PDE4D: variants seen among roughly 807,000 people sequenced by gnomAD.
PDE4D encodes phosphodiesterase 4D, also known as 3',5'-cyclic-AMP phosphodiesterase 4D.
A neutral mutation model predicts 87.4 loss-of-function variants in PDE4D; 24 were observed. That is an observed-to-expected ratio of 0.27 (90% CI 0.20 to 0.39). PDE4D has a LOEUF of 0.39. Ranked by LOEUF, PDE4D falls within the 10% of genes least tolerant of loss-of-function variation. PDE4D has a pLI of 1.00. For synonymous variants in PDE4D, 384 were observed against 383.2 expected (o/e 1.00, Z -0.02); for missense variants, 714 against 1,041.0 (o/e 0.69, Z 4.32).
At chr5:59,901,923 AACACACACACACACAC>A (rs59453461) in intron 3 of PDE4D, among the ~76,000 whole-genome samples, 7,963 of 134,302 alleles carry the variant, frequency 0.059, 291 homozygotes, top group South Asian at 0.11. Context: ...CTTACATGCA[AACACACACACACACAC>A]ACACACACAC....
chr5:59,897,589 T>C (rs1751792867), upstream of PDE4D, among the ~76,000 whole-genome samples: 1 of 152,154 alleles, frequency 6.6e-6, no homozygotes, highest in Admixed American at 6.5e-5. Context: ...CTCCTAATGC[T>C]ATCCCTCCTC....
chr5:60,020,226 C>A (rs1283555837), intron 2 of PDE4D, among the ~76,000 whole-genome samples: 1 of 152,034 alleles, frequency 6.6e-6, no homozygotes, highest in South Asian at 2.1e-4. Flanking sequence ...GTTTTTGAAA[C>A]CCTAACACAA....
chr5:60,265,530 C>T (rs373578956), intron 1 of PDE4D, among the ~76,000 whole-genome samples: 1 of 152,236 alleles, frequency 6.6e-6, no homozygotes, highest in East Asian at 1.9e-4. Flanking sequence ...TACCTTTTAC[C>T]TCTCTTGGAA....
chr5:59,956,830 T>C lies in PDE4D; in HGVS notation c.272+31658A>G, dbSNP rs139028618. Among the ~76,000 whole-genome samples, 858 of 152,256 alleles carry C rather than the reference T, an allele frequency of 5.6e-3. 7 individuals are homozygous for C. The highest frequency in any genetic ancestry group is 0.019 in the African/African-American group (778 of 41,550). ...AACAAAAATAAATTAGACTGACTAG[T>C]CCAATTCCATTGCCTAAATTGAAAC... is the stretch of plus-strand genomic sequence containing the variant. On this transcript the variant is annotated intron_variant, in intron 3 of 16. Transcript: ENST00000502484.
intron 1 of PDE4D, among the ~76,000 whole-genome samples, chr5:60,317,109 T>C (rs1478984473): frequency 2.0e-5 from 3 of 152,196 alleles, no homozygotes. Flanking sequence ...TGTGAATCCA[T>C]CTGGTCCTGG....
At chr5:60,408,303 G>T (rs993856458) in intron 1 of PDE4D, among the ~76,000 whole-genome samples, 1 of 152,156 alleles carries the variant, frequency 6.6e-6, no homozygotes, top group African/African-American at 2.4e-5. Context: ...GCAGTCTCTG[G>T]AACTATTTCT....
At chr5:59,349,634 A>T (rs1780185725) in intron 1 of PDE4D, among the ~76,000 whole-genome samples, 2 of 152,182 alleles carry the variant, frequency 1.3e-5, no homozygotes, top group African/African-American at 4.8e-5. Flanking sequence ...CATACCTATT[A>T]CCCATTCAAA....
intron 1 of PDE4D, among the ~76,000 whole-genome samples, chr5:59,831,605 C>T (rs1034257597): frequency 3.3e-5 from 5 of 152,046 alleles, no homozygotes; most frequent in African/African-American, 1.2e-4. Context: ...AGTGAGGTTG[C>T]ATAGCTTGAC....
intron 1 of PDE4D, among the ~76,000 whole-genome samples, chr5:59,650,539 T>C (rs1034896766): frequency 6.6e-6 from 1 of 152,090 alleles, no homozygotes; most frequent in Non-Finnish European, 1.5e-5. Context: ...CTGAAAAAAA[T>C]TCACAGGAAT....
chr5:60,143,667 G>C (rs1780751483), intron 2 of PDE4D, among the ~76,000 whole-genome samples: 1 of 75,980 alleles, frequency 1.3e-5, no homozygotes, highest in African/African-American at 5.3e-5. Flanking sequence ...GTGTGTTTTG[G>C]GGAGGGGGCG....
At chr5:59,158,954 A>G (rs889199148) in intron 5 of PDE4D, among the ~76,000 whole-genome samples, 2 of 152,200 alleles carry the variant, frequency 1.3e-5, no homozygotes, top group African/African-American at 4.8e-5. Flanking sequence ...ACTGGAAGCA[A>G]TCCTAAAGCT....
chr5:59,537,205 A>G (rs946823055), intron 1 of PDE4D, among the ~76,000 whole-genome samples: 2 of 152,246 alleles, frequency 1.3e-5, no homozygotes, highest in African/African-American at 4.8e-5. Flanking sequence ...TGAGATTTCC[A>G]TAAAACAAGC....
At chr5:59,693,138 TA>T (rs1214548491) in intron 1 of PDE4D, among the ~76,000 whole-genome samples, 1 of 102,050 alleles carries the variant, frequency 9.8e-6, no homozygotes, top group Non-Finnish European at 2.5e-5. Context: ...CCTGAAATTG[TA>T]TATGTTTTCA....
At chr5:60,116,447 C>G (rs1463552791) in intron 2 of PDE4D, among the ~76,000 whole-genome samples, 8 of 152,046 alleles carry the variant, frequency 5.3e-5, no homozygotes, top group Admixed American at 4.6e-4. Flanking sequence ...ACAACATAAT[C>G]CTTTGGAAGT....
intron 1 of PDE4D, among the ~76,000 whole-genome samples, chr5:59,691,297 A>G (rs2150405118): frequency 1.3e-5 from 2 of 152,310 alleles, no homozygotes; most frequent in South Asian, 4.1e-4. Context: ...ACTATTCACA[A>G]TAGCAAAGAC....
At chr5:60,260,568 G>A (rs1022659453) in intron 1 of PDE4D, among the ~76,000 whole-genome samples, 2 of 152,084 alleles carry the variant, frequency 1.3e-5, no homozygotes, top group Non-Finnish European at 2.9e-5. Flanking sequence ...CAATCTGGAA[G>A]AGAGAAGACC....
intron 2 of PDE4D, among the ~76,000 whole-genome samples, chr5:60,073,458 G>A (rs1275414911): frequency 2.0e-5 from 3 of 150,352 alleles, no homozygotes; most frequent in Non-Finnish European, 3.0e-5. Context: ...AAGAATGCTA[G>A]CCTGAAGTTT....
intron 1 of PDE4D, among the ~76,000 whole-genome samples, chr5:59,503,315 A>C (rs780396298): frequency 2.0e-5 from 3 of 152,168 alleles, no homozygotes; most frequent in Non-Finnish European, 4.4e-5. Context: ...AAGGCAAATA[A>C]AATTAGTAAA....
intron 1 of PDE4D, among the ~76,000 whole-genome samples, chr5:59,603,200 A>G (rs547307598): frequency 6.6e-6 from 1 of 152,156 alleles, no homozygotes; most frequent in Admixed American, 6.6e-5. Flanking sequence ...GAAATAATCA[A>G]CTGAGTGAAG....
Sources: allele counts gnomAD v4.1 joint callset (sites outside exome capture counted in the v4.1 genomes callset), GRCh38; gene constraint gnomAD v4.1.1; transcripts MANE v1.5; gene names NCBI Gene and HGNC (gene_info 2026-07-23, HGNC 2026-07-21).